TMEM266: variants seen among roughly 807,000 people sequenced by gnomAD.
The protein encoded by TMEM266 is Hv1 related protein 1.
Under a neutral mutation model 50.5 loss-of-function variants are expected in TMEM266, and 33 were observed. That is an observed-to-expected ratio of 0.65 (90% CI 0.50 to 0.87). The LOEUF is 0.87. TMEM266 is among the 40% of genes least tolerant of loss of function. TMEM266 has a pLI of 0.00. For synonymous variants in TMEM266, 310 were observed against 292.3 expected, an observed-to-expected ratio of 1.06 and a Z score of -0.62; for missense variants, 655 against 695.1, an observed-to-expected ratio of 0.94 and a Z score of 0.65.
At chr15:76,116,228 A>G (rs936088330) in intron 1 of TMEM266, among the ~76,000 whole-genome samples, 1 of 151,674 alleles carries the variant, frequency 6.6e-6, no homozygotes, top group Non-Finnish European at 1.5e-5. Flanking sequence ...AAGCTCCGGG[A>G]GACACACACG....
At chr15:76,071,710 T>C (rs2036541750) in intron 1 of TMEM266, among the ~76,000 whole-genome samples, 1 of 152,064 alleles carries the variant, frequency 6.6e-6, no homozygotes, top group Non-Finnish European at 1.5e-5. Context: ...ACTCTTTGGT[T>C]CCCACCAGCC....
At chr15:76,065,482 G>A (rs896445282) in intron 1 of TMEM266, among the ~76,000 whole-genome samples, 38 of 151,240 alleles carry the variant, frequency 2.5e-4, no homozygotes, top group Admixed American at 7.2e-4. Context: ...CGGTGTCCGT[G>A]TCTATCTGGT....
At chr15:76,081,962 G>A (rs1368527631) in intron 1 of TMEM266, among the ~76,000 whole-genome samples, 3 of 152,098 alleles carry the variant, frequency 2.0e-5, no homozygotes, top group African/African-American at 7.2e-5. Context: ...TTACCTCAAA[G>A]GAAGAATCGT....
In TMEM266 at chr15:76,073,298, T is replaced by C. The variant is rs944564644; in HGVS notation, c.-97+13282T>C. 6.6e-5 allele frequency among the ~76,000 whole-genome samples: 10 copies of C among 150,984 alleles called. No homozygotes were observed. In the East Asian group the frequency reaches 1.8e-3, roughly 27 times the overall value. ...CCCAGGCTGGAGTGCAGTGGTGCGA[T>C]CTCGGCTCACTGCAACCTCTGCCTC... On this transcript the variant is annotated intron_variant, in intron 1 of 10. Transcript: ENST00000388942.
At chr15:76,200,260 T>C (rs937731) in intron 9 of TMEM266, among the ~76,000 whole-genome samples, 147,038 of 152,250 alleles carry the variant, frequency 0.97, 71,222 homozygotes, top group East Asian at 1. Context: ...GGGACTCCTG[T>C]ACTGGGGACT....
In TMEM266 at chr15:76,139,999, C is replaced by T. The variant is rs2037652851; in HGVS notation, c.227+2104C>T. Among the ~76,000 whole-genome samples, 1 of 152,224 alleles carries T rather than the reference C, an allele frequency of 6.6e-6. No individual in the cohort carries two copies. Among genetic ancestry groups the T allele is most frequent in the Non-Finnish European group, 1.5e-5 (1 of 68,040 alleles). ...GTGTATCACTCCCTAGCCTGAACCC[C>T]AAGGCTGGCAGAGGCTTTGCCTTAT... On this transcript the variant is annotated intron_variant, in intron 3 of 10. Coordinates refer to ENST00000388942, the MANE Select transcript of TMEM266 (RefSeq NM_152335.3). The surrounding 1 kb of genome is among the most constrained non-coding windows in gnomAD (Gnocchi z 4.1).
intron 1 of TMEM266, among the ~76,000 whole-genome samples, chr15:76,063,280 G>A (rs1412866528): frequency 6.6e-6 from 1 of 152,168 alleles, no homozygotes; most frequent in Non-Finnish European, 1.5e-5. Context: ...GGAGCCCAAG[G>A]TATATGACCT....
At position 76,083,862 on chromosome 15, in the gene TMEM266, T is replaced by C. The variant is rs533285116; in HGVS notation, c.-97+23846T>C. Among the ~76,000 whole-genome samples the C allele has an allele frequency of 6.6e-4, 100 of 152,088 alleles. 2 individuals carry two copies. The highest frequency in any genetic ancestry group is 1.6e-4 in the Non-Finnish European group (11 of 67,996). On this transcript the variant is annotated intron_variant, in intron 1 of 10. Transcript: ENST00000388942. The stretch of plus-strand genomic sequence containing the variant: ...GAAGGAAAGGAGGGAGGGAAAAGAG[T>C]ATTCCAAAAGTTGGTCAGGTAGAGA...
At chr15:76,072,934 CCTT>C (rs1485956727) in intron 1 of TMEM266, among the ~76,000 whole-genome samples, 1 of 149,660 alleles carries the variant, frequency 6.7e-6, no homozygotes, top group African/African-American at 2.5e-5. Flanking sequence ...CTGCATCCAG[CCTT>C]CTTTTTTTTT....
chr15:76,187,456 G>C (rs1190605100), intron 8 of TMEM266, among the ~76,000 whole-genome samples: 1 of 152,240 alleles, frequency 6.6e-6, no homozygotes, highest in African/African-American at 2.4e-5. Context: ...GGCAGGAGGG[G>C]CTCCCCCAGC....
At chr15:76,187,249 G>T (rs2038501455) in intron 8 of TMEM266, among the ~76,000 whole-genome samples, 1 of 152,234 alleles carries the variant, frequency 6.6e-6, no homozygotes, top group Non-Finnish European at 1.5e-5. Flanking sequence ...TGGGCCTGGG[G>T]CTGGGCAAGC....
intron 8 of TMEM266, chr15:76,181,330 G>A (rs1361659708): frequency 2.0e-5 from 3 of 152,136 alleles, no homozygotes; most frequent in Non-Finnish European, 4.4e-5. Flanking sequence ...GATCTCTTCT[G>A]GTTGTGGACA....
intron 9 of TMEM266, among the ~76,000 whole-genome samples, chr15:76,199,931 A>G (rs892526539): frequency 2.4e-4 from 37 of 152,152 alleles, no homozygotes; most frequent in African/African-American, 8.7e-4. Context: ...TGTCATGTAG[A>G]CCGTGAGTAG....
At chr15:76,109,216 T>G (rs1056161949) in intron 1 of TMEM266, 6 of 151,432 alleles carry the variant, frequency 4.0e-5, no homozygotes, top group African/African-American at 1.5e-4. Context: ...AATGCAGGAG[T>G]TGGCAAGCTG....
intron 3 of TMEM266, among the ~76,000 whole-genome samples, chr15:76,149,925 A>G (rs1198748441): frequency 6.6e-6 from 1 of 152,232 alleles, no homozygotes; most frequent in African/African-American, 2.4e-5. Flanking sequence ...TATTTTAATC[A>G]TCTGGAATAA....
intron 8 of TMEM266, among the ~76,000 whole-genome samples, chr15:76,185,484 G>A (rs2038479225): frequency 6.6e-6 from 1 of 152,110 alleles, no homozygotes; most frequent in Non-Finnish European, 1.5e-5. Flanking sequence ...TCTTTTTATA[G>A]AGTCTAACTC....
chr15:76,081,881 C>T (rs917092367), intron 1 of TMEM266, among the ~76,000 whole-genome samples: 8 of 152,212 alleles, frequency 5.3e-5, no homozygotes, highest in African/African-American at 1.7e-4. Context: ...GACCACATGA[C>T]TGTAACAATG....
intron 3 of TMEM266, among the ~76,000 whole-genome samples, chr15:76,150,773 A>C (rs1257707930): frequency 1.3e-5 from 2 of 152,242 alleles, no homozygotes; most frequent in African/African-American, 4.8e-5. Flanking sequence ...ACGCTGCCTG[A>C]CAGAGCAGTG....
intron 1 of TMEM266, among the ~76,000 whole-genome samples, chr15:76,072,344 A>G (rs1596084705): frequency 6.6e-6 from 1 of 150,704 alleles, no homozygotes; most frequent in African/African-American, 2.4e-5. Flanking sequence ...AGGCTGAGGC[A>G]GGAGAATCTC....
Sources: allele counts gnomAD v4.1 joint callset (sites outside exome capture counted in the v4.1 genomes callset), GRCh38; gene constraint gnomAD v4.1.1; non-coding constraint Gnocchi (gnomAD v3.1); transcripts MANE v1.5; gene names NCBI Gene and HGNC (gene_info 2026-07-23, HGNC 2026-07-21).